The following DCLK1 variants were observed in gnomAD, a reference collection of about 807,000 sequenced individuals.
DCLK1 encodes serine/threonine-protein kinase DCLK1.
DCLK1 carries 16 observed loss-of-function variants against 86.2 expected under a neutral mutation model. That is an observed-to-expected ratio of 0.19 (90% CI 0.13 to 0.28). The LOEUF (loss-of-function observed/expected upper bound fraction) is 0.28, where lower values mean the gene tolerates loss of function less well. Ranked by LOEUF, DCLK1 falls within the 10% of genes least tolerant of loss-of-function variation. The pLI is 1.00. For missense variants in DCLK1, 590 were observed against 940.2 expected, an observed-to-expected ratio of 0.63 and a Z score of 4.87; for synonymous variants, 369 against 370.5, an observed-to-expected ratio of 1.00 and a Z score of 0.05.
chr13:35,890,459 G>A (rs1163673859), intron 4 of DCLK1, among the ~76,000 whole-genome samples: 1 of 152,108 alleles, frequency 6.6e-6, no homozygotes, highest in Admixed American at 6.6e-5. Context: ...CCATTAAATG[G>A]ATATATAGTA....
At chr13:35,872,022 G>A (rs1872304820) in intron 4 of DCLK1, among the ~76,000 whole-genome samples, 1 of 152,230 alleles carries the variant, frequency 6.6e-6, no homozygotes, top group South Asian at 2.1e-4. Context: ...TAAATTCTCA[G>A]TGTTCATGTC....
intron 3 of DCLK1, among the ~76,000 whole-genome samples, chr13:36,001,986 C>T (rs1192115819): frequency 1.3e-5 from 2 of 151,922 alleles, no homozygotes; most frequent in Admixed American, 1.3e-4. Context: ...CTTGGATTAT[C>T]TACCTTATCC....
chr13:35,779,785 G>A (rs1368661963), intron 16 of DCLK1, among the ~76,000 whole-genome samples: 1 of 152,154 alleles, frequency 6.6e-6, no homozygotes, highest in Non-Finnish European at 1.5e-5. Context: ...CATGTATGAT[G>A]TTTAGAAGTT....
chr13:35,816,400 G>A (rs1390297927), intron 11 of DCLK1, among the ~76,000 whole-genome samples: 6 of 151,830 alleles, frequency 4.0e-5, no homozygotes, highest in Admixed American at 6.6e-5. Context: ...GAAGTGAATC[G>A]CATATATCTA....
chr13:35,778,048 G>A (rs575968200), intron 16 of DCLK1, among the ~76,000 whole-genome samples: 36 of 152,296 alleles, frequency 2.4e-4, no homozygotes, highest in African/African-American at 6.0e-4. Context: ...GATATTCTAC[G>A]AACTTTGTGG....
At chr13:35,876,731 T>TC (rs1872611895) in intron 4 of DCLK1, among the ~76,000 whole-genome samples, 1 of 152,154 alleles carries the variant, frequency 6.6e-6, no homozygotes, top group Admixed American at 6.5e-5. Flanking sequence ...TGCCTTCCAT[T>TC]CCCCCTCTCA....
At chr13:35,814,072 C>T (rs1005694071) in intron 11 of DCLK1, among the ~76,000 whole-genome samples, 2 of 151,968 alleles carry the variant, frequency 1.3e-5, no homozygotes, top group South Asian at 4.1e-4. Context: ...AGAGCCCTTC[C>T]CTCAGTGGTT....
chr13:35,783,154 A>C (rs1224439177), intron 16 of DCLK1, among the ~76,000 whole-genome samples: 2 of 152,230 alleles, frequency 1.3e-5, no homozygotes, highest in Non-Finnish European at 2.9e-5. Flanking sequence ...AAGAAATATA[A>C]ACATATACAT....
At chr13:35,870,719 A>G (rs1353614206) in intron 5 of DCLK1, among the ~76,000 whole-genome samples, 2 of 152,222 alleles carry the variant, frequency 1.3e-5, no homozygotes, top group African/African-American at 4.8e-5. Context: ...CACCAGCACT[A>G]GAATCCACTG....
intron 16 of DCLK1, among the ~76,000 whole-genome samples, chr13:35,781,888 A>T (rs2086532398): frequency 6.6e-6 from 1 of 152,194 alleles, no homozygotes; most frequent in East Asian, 1.9e-4. Flanking sequence ...TAAACTGACA[A>T]ATCGATTGAA....
At chr13:36,032,186 G>C (rs1412257702) in intron 3 of DCLK1, among the ~76,000 whole-genome samples, 2 of 147,972 alleles carry the variant, frequency 1.4e-5, no homozygotes, top group Admixed American at 1.4e-4. Context: ...CTGTCGCCTA[G>C]GCAGGAGTGC....
rs1364054922 is a variant in DCLK1, at chr13:35,874,620, A to C, written c.824-3280T>G. 3.9e-5 allele frequency among the ~76,000 whole-genome samples: 6 copies of C among 152,224 alleles called. No individual in the cohort carries two copies. The South Asian group carries it at 1.0e-3, about 26-fold the overall frequency. On this transcript the variant is annotated intron_variant, in intron 4 of 16. Transcript: ENST00000360631. ...GCAAGATATTTCTGTTTTTTAAAAA[A>C]AAGAAAAAAATCTATACATACAGGA...
At chr13:35,913,322 T>G (rs1320663167) in intron 4 of DCLK1, among the ~76,000 whole-genome samples, 1 of 152,144 alleles carries the variant, frequency 6.6e-6, no homozygotes, top group Non-Finnish European at 1.5e-5. Context: ...GTATATTCTT[T>G]CACCAGCACC....
At chr13:36,083,704 C>G (rs538760666) in intron 3 of DCLK1, among the ~76,000 whole-genome samples, 10 of 152,170 alleles carry the variant, frequency 6.6e-5, no homozygotes, top group Non-Finnish European at 1.5e-4. Context: ...TTTTCCCATT[C>G]ATTTTTTAAA....
At chr13:35,805,850 A>G in intron 14 of DCLK1, 71 bp from the exon 15 acceptor site, 1 of 1,399,738 alleles carries the variant, frequency 7.1e-7, no homozygotes, top group East Asian at 2.4e-5. Flanking sequence ...CAAATGCAAG[A>G]GTTCTCTTTT....
intron 3 of DCLK1, among the ~76,000 whole-genome samples, chr13:36,014,996 C>G (rs1354771022): frequency 2.3e-4 from 6 of 25,958 alleles, no homozygotes; most frequent in African/African-American, 3.3e-4. Context: ...CCCTCTCTCT[C>G]TCTCTCTTTC....
At chr13:35,798,541 C>A (rs1376284502) in intron 15 of DCLK1, among the ~76,000 whole-genome samples, 1 of 152,196 alleles carries the variant, frequency 6.6e-6, no homozygotes, top group Non-Finnish European at 1.5e-5. Flanking sequence ...CTCCTGTTAA[C>A]CATCCCCACC....
intron 4 of DCLK1, among the ~76,000 whole-genome samples, chr13:35,893,806 T>C (rs9545647): frequency 0.28 from 41,947 of 152,110 alleles, 6,045 homozygotes; most frequent in African/African-American, 0.34. Flanking sequence ...TGGTGTATCA[T>C]ATTTTTTACT....
chr13:36,106,264 G>A (rs1263684551), intron 3 of DCLK1, among the ~76,000 whole-genome samples: 3 of 152,076 alleles, frequency 2.0e-5, no homozygotes, highest in South Asian at 2.1e-4. Flanking sequence ...ATAAGGACAG[G>A]TATAGCTCAT....
Sources: gnomAD v4.1 joint callset for allele counts (sites outside exome capture counted in the v4.1 genomes callset) on GRCh38, gnomAD v4.1.1 for gene constraint, MANE v1.5 for transcripts, NCBI Gene and HGNC (gene_info 2026-07-23, HGNC 2026-07-21) for gene names.